The following MRPS28 variants were observed in gnomAD, a reference collection of about 807,000 sequenced individuals.
MRPS28 encodes small ribosomal subunit protein bS1m.
A neutral mutation model predicts 10.8 loss-of-function variants in MRPS28; 7 were observed. The ratio of observed to expected loss-of-function variants is 0.65; its 90% CI spans 0.37 to 1.22. The LOEUF (loss-of-function observed/expected upper bound fraction) is 1.22. Among genes scored for constraint, MRPS28 ranks in the 50% most tolerant of loss-of-function variants. The probability of loss-of-function intolerance (pLI) is 0.02; values close to 1 mark genes in which losing one functional copy is unlikely to be tolerated. For synonymous variants in MRPS28, 121 were observed against 93.3 expected, an observed-to-expected ratio of 1.30 and a Z score of -1.71; for missense variants, 265 against 232.9, an observed-to-expected ratio of 1.14 and a Z score of -0.90.
At chr8:80,003,852 C>T (rs1015415017) in intron 1 of MRPS28, among the ~76,000 whole-genome samples, 1 of 152,212 alleles carries the variant, frequency 6.6e-6, no homozygotes, top group African/African-American at 2.4e-5. Flanking sequence ...CCATGCCTGG[C>T]TTGGAGGGTC....
intron 2 of MRPS28, among the ~76,000 whole-genome samples, chr8:79,942,635 C>T (rs1394612693): frequency 6.6e-6 from 1 of 152,204 alleles, no homozygotes; most frequent in African/African-American, 2.4e-5. Flanking sequence ...ATTTACCCAA[C>T]AGTTCTTATG....
chr8:80,013,576 G>T (rs1809112665), intron 1 of MRPS28, among the ~76,000 whole-genome samples: 1 of 149,228 alleles, frequency 6.7e-6, no homozygotes, highest in South Asian at 2.1e-4. Flanking sequence ...GGAGGTTACG[G>T]TGAGCTGAGA....
intron 1 of MRPS28, among the ~76,000 whole-genome samples, chr8:80,027,468 A>T (rs1273637487): frequency 6.6e-6 from 1 of 152,240 alleles, no homozygotes; most frequent in East Asian, 1.9e-4. Flanking sequence ...CTGAAGCCAC[A>T]GTAGAGAGAT....
chr8:79,971,750 T>G (rs1807639966), intron 2 of MRPS28, among the ~76,000 whole-genome samples: 1 of 152,112 alleles, frequency 6.6e-6, no homozygotes, highest in African/African-American at 2.4e-5. Context: ...CAGGCTGGAG[T>G]GCAGTGGTGC....
At chr8:79,934,785 T>C (rs574130333) in intron 2 of MRPS28, among the ~76,000 whole-genome samples, 1 of 152,344 alleles carries the variant, frequency 6.6e-6, no homozygotes, top group South Asian at 2.1e-4. Flanking sequence ...CAAAACTTTA[T>C]CTTAAATGAA....
intron 2 of MRPS28, among the ~76,000 whole-genome samples, chr8:79,927,899 C>A (rs1164552848): frequency 6.6e-6 from 1 of 152,154 alleles, no homozygotes; most frequent in Non-Finnish European, 1.5e-5. Flanking sequence ...GCAGATTCCA[C>A]ACAATCCAGA....
intron 2 of MRPS28, among the ~76,000 whole-genome samples, chr8:79,996,468 A>T (rs550746681): frequency 6.6e-6 from 1 of 152,338 alleles, no homozygotes; most frequent in Admixed American, 6.5e-5. Context: ...TAGAGGCTGG[A>T]AGTCCAGGAT....
chr8:79,995,135 T>G (rs187395777), intron 2 of MRPS28, among the ~76,000 whole-genome samples: 15 of 152,290 alleles, frequency 9.8e-5, no homozygotes, highest in African/African-American at 3.6e-4. Flanking sequence ...CCAGATCAAC[T>G]CCCTGGAAGC....
chr8:79,931,868 A>G (rs1389476738), intron 2 of MRPS28, among the ~76,000 whole-genome samples: 1 of 152,208 alleles, frequency 6.6e-6, no homozygotes, highest in African/African-American at 2.4e-5. Flanking sequence ...TTTGGTGGGT[A>G]TCAATTAGCT....
At chr8:79,992,173 G>A (rs972582404) in intron 2 of MRPS28, among the ~76,000 whole-genome samples, 1 of 152,184 alleles carries the variant, frequency 6.6e-6, no homozygotes. Flanking sequence ...TGAACTTCAT[G>A]TGAGACCTTG....
intron 2 of MRPS28, among the ~76,000 whole-genome samples, chr8:79,994,452 A>G (rs1293543643): frequency 1.3e-5 from 2 of 151,944 alleles, no homozygotes; most frequent in South Asian, 2.1e-4. Context: ...ACACAACCCA[A>G]CTCACTACCC....
chr8:79,919,966 G>A (rs974103115), intron 2 of MRPS28, among the ~76,000 whole-genome samples: 5 of 116,480 alleles, frequency 4.3e-5, no homozygotes, highest in Admixed American at 3.7e-4. Context: ...ACAGGCCCCG[G>A]TGTGTGATGT....
chr8:79,983,159 A>G (rs1009383489), intron 2 of MRPS28, among the ~76,000 whole-genome samples: 2 of 152,286 alleles, frequency 1.3e-5, no homozygotes, highest in African/African-American at 4.8e-5. Flanking sequence ...TACCCAGGCA[A>G]ACAGGGTCTG....
intron 2 of MRPS28, among the ~76,000 whole-genome samples, chr8:79,960,558 G>C (rs762817941): frequency 5.3e-5 from 8 of 152,100 alleles, no homozygotes; most frequent in Non-Finnish European, 1.2e-4. Flanking sequence ...TAATACCAGT[G>C]TATGTACTTA....
At chr8:79,983,595 G>A (rs1808047355) in intron 2 of MRPS28, among the ~76,000 whole-genome samples, 1 of 152,248 alleles carries the variant, frequency 6.6e-6, no homozygotes, top group Non-Finnish European at 1.5e-5. Flanking sequence ...TGACAGAGCT[G>A]AAAGCCAAGG....
At chr8:80,017,171 T>TA (rs1809217753) in intron 1 of MRPS28, among the ~76,000 whole-genome samples, 1 of 152,186 alleles carries the variant, frequency 6.6e-6, no homozygotes, top group African/African-American at 2.4e-5. Flanking sequence ...CCAAAATTCT[T>TA]AGAGTAAACA....
chr8:80,017,188 C>A (rs1197170738), intron 1 of MRPS28, among the ~76,000 whole-genome samples: 1 of 152,054 alleles, frequency 6.6e-6, no homozygotes, highest in Admixed American at 6.5e-5. Flanking sequence ...AACAAATACA[C>A]GTCTAAATAA....
rs866689845 is a variant in MRPS28 at position 79,949,382 on chromosome 8, A to C, written c.396-30234T>G. ...TGAGCCGAGATTGCGCCACTGCACT[A>C]CAGCCTGGGCGACAGAGTGAGACTC... is the stretch of plus-strand genomic sequence containing the variant. On this transcript the variant is annotated intron_variant, in intron 2 of 2. Coordinates refer to ENST00000276585, the MANE Select transcript of MRPS28 (RefSeq NM_014018.3). Among the ~76,000 whole-genome samples the C allele has an allele frequency of 8.7e-4, 132 of 151,350 alleles. 2 individuals are homozygous for C. Among genetic ancestry groups the C allele is most frequent in the Middle Eastern group, 6.9e-3 (2 of 288 alleles).
At chr8:80,020,780 T>C (rs796597345) in intron 1 of MRPS28, among the ~76,000 whole-genome samples, 5 of 152,186 alleles carry the variant, frequency 3.3e-5, no homozygotes, top group African/African-American at 1.2e-4. Context: ...CATAGGAAAT[T>C]TGTGGCCAAC....
Sources: allele counts gnomAD v4.1 joint callset (sites outside exome capture counted in the v4.1 genomes callset), GRCh38; gene constraint gnomAD v4.1.1; transcripts MANE v1.5; gene names NCBI Gene and HGNC (gene_info 2026-07-23, HGNC 2026-07-21).